Variants in ATAD2 observed in about 807,000 individuals in gnomAD.
ATAD2 encodes the protein ATPase family AAA domain containing 2.
A neutral mutation model predicts 168.9 loss-of-function variants in ATAD2; 62 were observed. That is an observed-to-expected ratio of 0.37 (90% CI 0.30 to 0.45). ATAD2 has a LOEUF of 0.45. ATAD2 is among the 20% of genes least tolerant of loss of function. The pLI is 1.00. For synonymous variants in ATAD2, 613 were observed against 571.6 expected, an observed-to-expected ratio of 1.07 and a Z score of -1.03; for missense variants, 1,419 against 1,667.8, an observed-to-expected ratio of 0.85 and a Z score of 2.60.
intron 13 of ATAD2, among the ~76,000 whole-genome samples, chr8:123,354,864 A>AAAAAAAT (rs1554644338): frequency 3.1e-5 from 2 of 64,714 alleles, no homozygotes; most frequent in African/African-American, 1.7e-4. Context: ...AAAAAAAAAA[A>AAAAAAAT]ATATATATAT....
Position 123,408,508 on chromosome 8 carries a change from C to T in ATAD2, c.-2281-7333G>A, listed in dbSNP as rs142156127. ...TTAATGGTGGTCTCCCCTCCCGTCC[C>T]CTCCCCTCCCTTTCCTTTCCTTTTT... On this transcript the variant is annotated intron_variant, in intron 1 of 28. Coordinates refer to the ATAD2 transcript ENST00000521903. Among the ~76,000 whole-genome samples, 588 of 152,060 alleles carry T rather than the reference C, an allele frequency of 3.9e-3. 1 individual carries two copies. The highest frequency in any genetic ancestry group is 0.013 in the African/African-American group (542 of 41,526).
chr8:123,349,658 C>A (rs1378305865), intron 13 of ATAD2, among the ~76,000 whole-genome samples: 1 of 151,960 alleles, frequency 6.6e-6, no homozygotes, highest in Non-Finnish European at 1.5e-5. Context: ...GGTTGTTAGA[C>A]CCCCCACAAA....
chr8:123,330,854 T>C (rs1255187347), intron 24 of ATAD2, among the ~76,000 whole-genome samples: 1 of 152,180 alleles, frequency 6.6e-6, no homozygotes, highest in Non-Finnish European at 1.5e-5. Flanking sequence ...AGACAAAAGG[T>C]ATTTCACAAA....
chr8:123,344,688 A>T, intron 19 of ATAD2, 196 bp downstream of exon 19: 1 of 584,478 alleles, frequency 1.7e-6, no homozygotes, highest in Non-Finnish European at 3.0e-6. Context: ...TGTATCCTTA[A>T]TATATACATA....
Position 123,356,290 on chromosome 8 carries a change from T to C in ATAD2, c.1646+99A>G. The C allele has an allele frequency of 6.1e-6, 6 of 977,006 alleles. No individual in the cohort carries two copies. The Middle Eastern group carries it at 1.3e-3, about 212-fold the overall frequency. The allele number at this position is 977,006 out of a possible 1,614,324, so 60.5% of individuals were successfully genotyped here. On this transcript the variant is annotated intron_variant, in intron 13 of 27. Coordinates refer to ENST00000287394, the MANE Select transcript of ATAD2 (RefSeq NM_014109.4). ...ACTACCAAAAAAAGGAACTACTAGC[T>C]TATAAAGTTTCTTTCACCATTTAAC...
At chr8:123,356,287 A>G (rs1828643143) in intron 13 of ATAD2, 102 bp downstream of exon 13, 13 of 929,452 alleles carry the variant, frequency 1.4e-5, no homozygotes, top group Non-Finnish European at 2.1e-5. Context: ...AGGAACTACT[A>G]GCTTATAAAG....
chr8:123,341,857 A>G (rs778542013), intron 19 of ATAD2, among the ~76,000 whole-genome samples: 4 of 152,170 alleles, frequency 2.6e-5, no homozygotes, highest in Non-Finnish European at 5.9e-5. Context: ...CAGGCCGAGC[A>G]CAGTGGCTCA....
At chr8:123,324,641 A>C (rs1379907581) in intron 26 of ATAD2, among the ~76,000 whole-genome samples, 1 of 152,362 alleles carries the variant, frequency 6.6e-6, no homozygotes, top group African/African-American at 2.4e-5. Context: ...AGGAGCTTAC[A>C]AAAGTAATTG....
At position 123,337,759 on chromosome 8, in the gene ATAD2, C is replaced by T. The variant is rs1331680804; in HGVS notation, c.2917G>A (p.Glu973Lys). The part of the protein sequence containing the change: ...PPPEPRSLTA[E>K]EVKRLEEQEE... ...TGTTCTTCTAGTCGTTTCACTTCTT[C>T]TGCTGTCAGTGATCTTGGCTCAGGT... is the stretch of plus-strand genomic sequence containing the variant. The change falls in exon 21 of 28, where the codon GAA (glutamate) becomes AAA (lysine). Residue 973 changes from glutamate to lysine, a missense_variant. Glu to Lys is a moderately conservative substitution (Grantham distance 56). This residue lies in a region of ATAD2 where 545 missense variants were observed against 724.9 expected (regional missense o/e 0.75). Transcript: ENST00000287394. 6.2e-7 allele frequency: 1 copy of T among 1,613,504 alleles called. No homozygotes were observed. Among genetic ancestry groups the T allele is most frequent in the Admixed American group, 1.7e-5 (1 of 59,912 alleles).
At position 123,345,062 on chromosome 8, in the gene ATAD2, C is replaced by T. The variant is rs78548009; in HGVS notation, c.2540G>A (p.Arg847His). 3.0e-4 allele frequency: 482 copies of T among 1,606,164 alleles called. 5 individuals carry two copies. In the South Asian group the frequency reaches 3.7e-3, roughly 12 times the overall value. ...ACTTGGTGCTGTTCTCTTAGCTTCA[C>T]GAATCACCTAGTAGAGAGAGAACAA... Reference protein sequence around the residue: ...SPEETCAQVIREAKRTAPSIV... With the variant: ...SPEETCAQVIHEAKRTAPSIV... The change falls in exon 19 of 28, where the codon CGT (arginine) becomes CAT (histidine). Residue 847 changes from arginine to histidine, a missense_variant. This residue lies in a region of ATAD2 where 545 missense variants were observed against 724.9 expected (regional missense o/e 0.75). Transcript: ENST00000287394.
At chr8:123,400,925 AC>A, upstream of ATAD2, 2 of 1,401,062 alleles carry the variant, frequency 1.4e-6, no homozygotes, top group Non-Finnish European at 2.0e-6. This position sits in a 1 kb window ranked among gnomAD's most constrained non-coding sequence, Gnocchi z 4.5. Context: ...TTCATCACGG[AC>A]CCCATGGTGC....
Position 123,322,932 on chromosome 8 carries a change from G to C in ATAD2, c.4131+6C>G. On this transcript the variant is annotated splice_donor_region_variant and intron_variant, in intron 27 of 27. Transcript: ENST00000287394. ...ATTTGTAAAAAGTTTCCACTCAAGA[G>C]TTTACCTGAATAAGTGATGTTTTAT... is the stretch of plus-strand genomic sequence containing the variant. The C allele has an allele frequency of 6.2e-7, 1 of 1,611,712 alleles. No individual in the cohort carries two copies. Among genetic ancestry groups the C allele is most frequent in the Non-Finnish European group, 8.5e-7 (1 of 1,179,054 alleles).
chr8:123,384,912 G>A (rs994534276), intron 1 of ATAD2, among the ~76,000 whole-genome samples: 5 of 152,048 alleles, frequency 3.3e-5, no homozygotes, highest in Non-Finnish European at 7.4e-5. Flanking sequence ...ATTTCTTGGC[G>A]CTCAGAAGCC....
At chr8:123,374,167 T>C (rs1025139633) in intron 2 of ATAD2, among the ~76,000 whole-genome samples, 7 of 151,854 alleles carry the variant, frequency 4.6e-5, no homozygotes, top group Non-Finnish European at 1.0e-4. Context: ...ATGGTGAAAC[T>C]CCATCTCTAG....
chr8:123,327,154 A>G (rs1227980149), intron 25 of ATAD2, among the ~76,000 whole-genome samples: 2 of 152,066 alleles, frequency 1.3e-5, no homozygotes, highest in Admixed American at 1.3e-4. Flanking sequence ...TGATCCACCC[A>G]CAGCCTCCCA....
intron 8 of ATAD2, among the ~76,000 whole-genome samples, chr8:123,363,568 A>T (rs1563851566): frequency 6.6e-6 from 1 of 152,238 alleles, no homozygotes; most frequent in Non-Finnish European, 1.5e-5. Context: ...CTTTGTGATC[A>T]GCCTGAAACT....
At chr8:123,334,132 A>T in intron 23 of ATAD2, 68 bp downstream of exon 23, 4 of 1,543,004 alleles carry the variant, frequency 2.6e-6, no homozygotes, top group Non-Finnish European at 3.5e-6. Context: ...GATGCTTCTG[A>T]AATTCATATA....
chr8:123,411,098 G>A (rs1187556546), intron 1 of ATAD2, among the ~76,000 whole-genome samples: 3 of 152,104 alleles, frequency 2.0e-5, no homozygotes, highest in Non-Finnish European at 4.4e-5. Flanking sequence ...TCTTGGAAGC[G>A]GCTTGCCACC....
intron 1 of ATAD2, among the ~76,000 whole-genome samples, chr8:123,386,156 C>T (rs540082815): frequency 6.6e-6 from 1 of 152,094 alleles, no homozygotes; most frequent in South Asian, 2.1e-4. Context: ...TCTATATGAT[C>T]CAGCAATTCC....
Sources: allele counts gnomAD v4.1 joint callset (sites outside exome capture counted in the v4.1 genomes callset), GRCh38; gene constraint gnomAD v4.1.1; regional missense constraint gnomAD v4.1.1; non-coding constraint Gnocchi (gnomAD v3.1); transcripts MANE v1.5; gene names NCBI Gene and HGNC (gene_info 2026-07-23, HGNC 2026-07-21).